LTBP2: variants seen among roughly 807,000 people sequenced by gnomAD.
The protein encoded by LTBP2 is latent-transforming growth factor beta-binding protein 2.
LTBP2 carries 103 observed loss-of-function variants against 210.6 expected under a neutral mutation model. The ratio of observed to expected loss-of-function variants is 0.49; its 90% CI spans 0.42 to 0.58. LTBP2 has a LOEUF of 0.58. Among genes scored for constraint, LTBP2 ranks in the 20% least tolerant of loss-of-function variants. The probability of loss-of-function intolerance (pLI) is 0.00; values close to 1 mark genes in which losing one functional copy is unlikely to be tolerated. For missense variants in LTBP2, 2,313 were observed against 2,494.5 expected (o/e 0.93, Z 1.55); for synonymous variants, 1,007 against 1,015.0 (o/e 0.99, Z 0.15).
Position 74,500,633 on chromosome 14 carries a change from G to A in LTBP2, c.*251C>T, listed in dbSNP as rs2086898086. On this transcript the variant is annotated 3_prime_UTR_variant, in exon 36 of 36. Transcript: ENST00000261978. ...GCATCCCATAGCAAGGCCAGGAAAG[G>A]TGGTGGACAGGGCCTCATGCGGTGG... 1 of 577,812 alleles carries A rather than the reference G, an allele frequency of 1.7e-6. No individual in the cohort carries two copies. The highest frequency in any genetic ancestry group is 2.8e-5 in the Admixed American group (1 of 36,126). The allele number at this position is 577,812 out of a possible 1,614,324, so 35.8% of individuals were successfully genotyped here.
chr14:74,581,597 G>A (rs1026780772), intron 3 of LTBP2, among the ~76,000 whole-genome samples: 1 of 152,138 alleles, frequency 6.6e-6, no homozygotes, highest in African/African-American at 2.4e-5. Flanking sequence ...GCAAGGAAAT[G>A]GGGCCTCCGT....
At chr14:74,512,142 C>T (rs1172710475) in intron 18 of LTBP2, among the ~76,000 whole-genome samples, 1 of 152,148 alleles carries the variant, frequency 6.6e-6, no homozygotes, top group Non-Finnish European at 1.5e-5. Context: ...CATAACCTGG[C>T]ATATCATGGG....
intron 18 of LTBP2, among the ~76,000 whole-genome samples, chr14:74,512,373 A>C (rs2087082323): frequency 6.6e-6 from 1 of 152,206 alleles, no homozygotes. Context: ...CCACCAGCTT[A>C]TGCATATTTA....
chr14:74,551,996 A>G (rs2087663874), intron 6 of LTBP2, among the ~76,000 whole-genome samples, 191 bp downstream of exon 6: 1 of 152,110 alleles, frequency 6.6e-6, no homozygotes, highest in African/African-American at 2.4e-5. Context: ...AAGTCGATAA[A>G]TTCCGATGGG....
Position 74,540,926 on chromosome 14 carries a change from TTA to T in LTBP2, c.1790-4928_1790-4927del, listed in dbSNP as rs1555350222. 5.9e-3 allele frequency among the ~76,000 whole-genome samples: 96 copies of T among 16,408 alleles called. 1 individual carries two copies. The highest frequency in any genetic ancestry group is 8.1e-3 in the African/African-American group (89 of 10,944). 10.8% of individuals were successfully genotyped at this position (16,408 alleles called of 152,430 possible). A position where few individuals can be genotyped will look rare whatever the true frequency, so the allele number is the denominator to read the frequency against. ...TATATATATTTAAAATATATATAGG[TTA>T]TATATATATATATATATTTTTTATA... On this transcript the variant is annotated intron_variant, in intron 8 of 35. Coordinates refer to ENST00000261978, the MANE Select transcript of LTBP2 (RefSeq NM_000428.3).
At chr14:74,536,847 A>C (rs2087427757) in intron 8 of LTBP2, among the ~76,000 whole-genome samples, 2 of 152,196 alleles carry the variant, frequency 1.3e-5, no homozygotes, top group Admixed American at 6.5e-5. Context: ...CTCCATCTCA[A>C]AACAAACAAA....
At chr14:74,597,773 C>T (rs1296707767) in intron 2 of LTBP2, among the ~76,000 whole-genome samples, 1 of 152,122 alleles carries the variant, frequency 6.6e-6, no homozygotes, top group African/African-American at 2.4e-5. Context: ...TATTACCCTT[C>T]GCCACCTCCC....
intron 3 of LTBP2, among the ~76,000 whole-genome samples, chr14:74,557,738 T>C (rs549460501): frequency 6.6e-6 from 1 of 152,312 alleles, no homozygotes; most frequent in South Asian, 2.1e-4. Context: ...TACGACAGTG[T>C]CTGGACTGTG....
At chr14:74,605,463 G>T (rs1472655951) in intron 1 of LTBP2, among the ~76,000 whole-genome samples, 1 of 152,216 alleles carries the variant, frequency 6.6e-6, no homozygotes, top group Non-Finnish European at 1.5e-5. Flanking sequence ...ACGGGGGTCA[G>T]GGAAAGGGCT....
intron 10 of LTBP2, among the ~76,000 whole-genome samples, chr14:74,532,066 C>T (rs1436375793): frequency 6.6e-6 from 1 of 152,170 alleles, no homozygotes; most frequent in East Asian, 1.9e-4. Flanking sequence ...CTCAGCCAGA[C>T]ATCAGAGCAG....
intron 10 of LTBP2, among the ~76,000 whole-genome samples, 167 bp downstream of exon 10, chr14:74,532,259 A>T (rs779608586): frequency 2.6e-5 from 4 of 152,262 alleles, no homozygotes; most frequent in Non-Finnish European, 5.9e-5. Context: ...TGGGCTGATC[A>T]GGTTTTTCAC....
chr14:74,510,369 C>T (rs2087055585), intron 19 of LTBP2, among the ~76,000 whole-genome samples, 156 bp from the exon 20 acceptor site: 1 of 152,194 alleles, frequency 6.6e-6, no homozygotes, highest in Non-Finnish European at 1.5e-5. Flanking sequence ...CTCCCTCCTC[C>T]CACCTAGGCA....
chr14:74,539,891 C>T (rs551298412), intron 8 of LTBP2, among the ~76,000 whole-genome samples: 2 of 152,322 alleles, frequency 1.3e-5, no homozygotes, highest in Middle Eastern at 6.8e-3. Flanking sequence ...ACCCATTAGT[C>T]TGGATACATG....
At chr14:74,563,514 A>T (rs2087823579) in intron 3 of LTBP2, among the ~76,000 whole-genome samples, 1 of 152,192 alleles carries the variant, frequency 6.6e-6, no homozygotes, top group East Asian at 1.9e-4. Context: ...CAATAAGTTA[A>T]GCTTTCCAAG....
In LTBP2 at chr14:74,611,907, G is replaced by T; in HGVS notation, c.38C>A (p.Ala13Asp). 1 of 1,596,374 alleles carries T rather than the reference G, an allele frequency of 6.3e-7. No individual in the cohort carries two copies. The highest frequency in any genetic ancestry group is 8.5e-7 in the Non-Finnish European group (1 of 1,174,722). Residue 13 changes from alanine to aspartate, a missense_variant, in exon 1 of 36, where the codon GCC becomes GAC. Physicochemically the swap from Ala to Asp is moderately radical, Grantham distance 126. Around this residue, in one of 3 missense-constraint regions of LTBP2, gnomAD observed 1,867 missense variants for 1,976.9 expected, o/e 0.94. Transcript: ENST00000261978. ...PRTKARSPGRALRNPWRGFLP... is the reference protein window; with the variant it reads ...PRTKARSPGRDLRNPWRGFLP... ...GAAGCCTCTCCAGGGGTTCCGCAGG[G>T]CGCGCCCCGGGCTGCGGGCTTTGGT...
At position 74,551,294 on chromosome 14, in the gene LTBP2, C is replaced by T; in HGVS notation, c.1456G>A (p.Val486Met). 6.2e-7 allele frequency: 1 copy of T among 1,602,662 alleles called. No individual in the cohort carries two copies. The highest frequency in any genetic ancestry group is 1.1e-5 in the South Asian group (1 of 89,692). ...ACCTGGGCCACCTGGTGGATCTGCA[C>T]TGAGGCCTCGGGTGGGTGGTGAATG... ...VHIHHPPEASVQIHQVAQVRG... is the reference protein window; with the variant it reads ...VHIHHPPEASMQIHQVAQVRG... Residue 486 changes from valine (V) to methionine (M), a missense_variant, in exon 7 of 36, where the codon GTG becomes ATG. Transcript: ENST00000261978.
intron 3 of LTBP2, chr14:74,560,098 G>A (rs927498344): frequency 2.0e-5 from 3 of 152,176 alleles, no homozygotes; most frequent in Non-Finnish European, 4.4e-5. Context: ...TCATGAATCC[G>A]TAAGATTTTG....
rs1283806102 is a variant in LTBP2, at chr14:74,499,358, A to G, written c.*1526T>C. On this transcript the variant is annotated 3_prime_UTR_variant, in exon 36 of 36. Coordinates refer to ENST00000261978, the MANE Select transcript of LTBP2 (RefSeq NM_000428.3). The stretch of plus-strand genomic sequence containing the variant: ...TCTCAGTTTCCTCACCTGTAAATTG[A>G]GAATAAACAATAGTAAGTAGGATTA... The G allele has an allele frequency of 4.5e-6, 1 of 222,690 alleles. No individual in the cohort carries two copies. The highest frequency in any genetic ancestry group is 2.2e-5 in the African/African-American group (1 of 44,800). 13.8% of individuals were successfully genotyped at this position (222,690 alleles called of 1,614,324 possible).
intron 17 of LTBP2, among the ~76,000 whole-genome samples, chr14:74,520,696 G>A (rs958790750): frequency 6.6e-6 from 1 of 152,170 alleles, no homozygotes; most frequent in African/African-American, 2.4e-5. Flanking sequence ...AGCTACTCAG[G>A]AGGCTGAGGC....
Sources: gnomAD v4.1 joint callset for allele counts (sites outside exome capture counted in the v4.1 genomes callset) on GRCh38, gnomAD v4.1.1 for gene constraint, gnomAD v4.1.1 regional missense constraint, MANE v1.5 for transcripts, NCBI Gene and HGNC (gene_info 2026-07-23, HGNC 2026-07-21) for gene names.